Variants in GPATCH8 observed in about 807,000 individuals in gnomAD.
The protein encoded by GPATCH8 is G patch domain-containing protein 8.
GPATCH8 carries 18 observed loss-of-function variants against 118.3 expected under a neutral mutation model. The ratio of observed to expected loss-of-function variants is 0.15; its 90% CI spans 0.11 to 0.23. The LOEUF is 0.23. Ranked by LOEUF, GPATCH8 falls within the 10% of genes least tolerant of loss-of-function variation. GPATCH8 has a pLI of 1.00. For missense variants in GPATCH8, 1,631 were observed against 1,873.8 expected (o/e 0.87, Z 2.39); for synonymous variants, 659 against 684.7 (o/e 0.96, Z 0.59).
chr17:44,496,229 C>A (rs575978312), intron 1 of GPATCH8, among the ~76,000 whole-genome samples: 4 of 152,150 alleles, frequency 2.6e-5, no homozygotes, highest in Non-Finnish European at 4.4e-5. Flanking sequence ...TGATTTTGAT[C>A]AGCACTGCCT....
Position 44,452,930 on chromosome 17 carries a change from C to T in GPATCH8, c.193+11542G>A, listed in dbSNP as rs566813251. 4.6e-5 allele frequency among the ~76,000 whole-genome samples: 7 copies of T among 152,040 alleles called. No individual in the cohort carries two copies. In the South Asian group the frequency reaches 1.2e-3, roughly 27 times the overall value. On this transcript the variant is annotated intron_variant, in intron 3 of 7. Coordinates refer to ENST00000591680, the MANE Select transcript of GPATCH8 (RefSeq NM_001002909.4). ...ACCTCGTCGACCTTCTGGGCTCATG[C>T]GATTCTCCCACCTCATTCTCCCAGG...
Position 44,442,224 on chromosome 17 carries a change from A to AC in GPATCH8, c.194-5680_194-5679insG, listed in dbSNP as rs75939329. 8.6e-3 allele frequency among the ~76,000 whole-genome samples: 1,283 copies of AC among 148,868 alleles called. 112 individuals carry two copies. The East Asian group carries it at 0.19, about 22-fold the overall frequency. On this transcript the variant is annotated intron_variant, in intron 3 of 7. Transcript: ENST00000591680. ...ATATAGTGATGATGTAAAAAAAAAA[A>AC]AAAACACCACAACCGCAGCACCACG...
intron 1 of GPATCH8, among the ~76,000 whole-genome samples, chr17:44,494,136 T>A (rs1969489852): frequency 6.6e-6 from 1 of 152,124 alleles, no homozygotes; most frequent in Non-Finnish European, 1.5e-5. Context: ...ACCTTCTACC[T>A]TTCTAGCTCA....
chr17:44,476,529 T>G (rs973948304), intron 1 of GPATCH8, among the ~76,000 whole-genome samples: 1 of 152,204 alleles, frequency 6.6e-6, no homozygotes, highest in Non-Finnish European at 1.5e-5. Context: ...ATATGCAATA[T>G]TGCATTAAAT....
intron 3 of GPATCH8, among the ~76,000 whole-genome samples, chr17:44,446,544 C>T (rs1045917393): frequency 3.3e-5 from 5 of 151,862 alleles, no homozygotes; most frequent in African/African-American, 9.7e-5. Flanking sequence ...CCAGCCTGGG[C>T]GACAGAGTGA....
In GPATCH8 at chr17:44,399,983, T is replaced by C. The variant is rs763495479; in HGVS notation, c.2094A>G (p.Lys698=). 1 of 1,614,122 alleles carries C rather than the reference T, an allele frequency of 6.2e-7. No homozygotes were observed. ...KRKHKADTEE[K]SSKAESGEKS... ...TCTCCCCTGACTCTGCCTTAGAGCT[T>C]TTCTCTTCTGTGTCAGCCTTGTGTT... The change falls in exon 8 of 8, where the codon AAA becomes AAG. Residue 698 remains lysine (K), a synonymous_variant. Coordinates refer to ENST00000591680, the MANE Select transcript of GPATCH8 (RefSeq NM_001002909.4).
intron 1 of GPATCH8, among the ~76,000 whole-genome samples, chr17:44,495,195 G>C (rs553378160): frequency 6.6e-6 from 1 of 152,038 alleles, no homozygotes; most frequent in Non-Finnish European, 1.5e-5. Flanking sequence ...TTAGCCAGGC[G>C]TGGTAGTGGG....
chr17:44,486,820 G>C (rs1166122970), intron 1 of GPATCH8: 1 of 152,022 alleles, frequency 6.6e-6, no homozygotes, highest in Non-Finnish European at 1.5e-5. Context: ...TGGAAGAAGT[G>C]CTTTAGAAAT....
chr17:44,440,983 C>T (rs1189428453), intron 3 of GPATCH8, among the ~76,000 whole-genome samples: 4 of 151,988 alleles, frequency 2.6e-5, no homozygotes, highest in Admixed American at 6.5e-5. Flanking sequence ...CCTGAGTAGC[C>T]GGGACTACAG....
chr17:44,499,156 T>C (rs1244696785), intron 1 of GPATCH8, among the ~76,000 whole-genome samples: 1 of 152,002 alleles, frequency 6.6e-6, no homozygotes, highest in Non-Finnish European at 1.5e-5. Context: ...ATTACTGTAG[T>C]TCCTTTTCAT....
intron 1 of GPATCH8, among the ~76,000 whole-genome samples, chr17:44,497,781 A>C (rs1019846175): frequency 6.6e-6 from 1 of 152,022 alleles, no homozygotes; most frequent in Non-Finnish European, 1.5e-5. Context: ...CTCTAAAAAA[A>C]GTACAAAACT....
At chr17:44,409,046 C>A (rs940778702) in intron 6 of GPATCH8, 1 of 152,238 alleles carries the variant, frequency 6.6e-6, no homozygotes, top group South Asian at 2.1e-4. Context: ...GACATTCTGG[C>A]GACTTTTTTT....
chr17:44,494,518 C>A (rs35225228), intron 1 of GPATCH8, among the ~76,000 whole-genome samples: 4,441 of 152,044 alleles, frequency 0.029, 206 homozygotes, highest in African/African-American at 0.1. Flanking sequence ...TTTGAACCCG[C>A]GAGGCAGAGG....
At chr17:44,477,603 A>G (rs920214351) in intron 1 of GPATCH8, among the ~76,000 whole-genome samples, 1 of 152,092 alleles carries the variant, frequency 6.6e-6, no homozygotes, top group African/African-American at 2.4e-5. Flanking sequence ...CAATAAAAAT[A>G]ATAAAAATAA....
chr17:44,424,604 AT>A, intron 5 of GPATCH8, 112 bp from the exon 6 acceptor site: 1 of 776,168 alleles, frequency 1.3e-6, no homozygotes, highest in Non-Finnish European at 2.2e-6. Flanking sequence ...TTTTCATAAT[AT>A]TTAGTGGTAC....
chr17:44,494,222 C>A (rs2144487838), intron 1 of GPATCH8, among the ~76,000 whole-genome samples: 1 of 152,218 alleles, frequency 6.6e-6, no homozygotes, highest in Non-Finnish European at 1.5e-5. Context: ...ACCAATTTTT[C>A]ACCCTCTCAC....
intron 3 of GPATCH8, among the ~76,000 whole-genome samples, chr17:44,463,920 CCT>C (rs1568026528): frequency 6.6e-6 from 1 of 152,066 alleles, no homozygotes; most frequent in Non-Finnish European, 1.5e-5. Flanking sequence ...TGAGAAATAA[CCT>C]CTCTGCTCAG....
intron 1 of GPATCH8, among the ~76,000 whole-genome samples, chr17:44,497,698 G>A (rs994790464): frequency 2.6e-5 from 4 of 151,594 alleles, no homozygotes; most frequent in African/African-American, 9.7e-5. Flanking sequence ...CCAGCACTTT[G>A]GGGGGCTGAG....
At chr17:44,426,033 G>C (rs2050078714) in intron 5 of GPATCH8, among the ~76,000 whole-genome samples, 1 of 152,174 alleles carries the variant, frequency 6.6e-6, no homozygotes, top group African/African-American at 2.4e-5. Flanking sequence ...TATAGAACCT[G>C]AATGAGGGAA....
Sources: allele counts gnomAD v4.1 joint callset (sites outside exome capture counted in the v4.1 genomes callset), GRCh38; gene constraint gnomAD v4.1.1; transcripts MANE v1.5; gene names NCBI Gene and HGNC (gene_info 2026-07-23, HGNC 2026-07-21).